The following CCSER1 variants were observed in gnomAD, a reference collection of about 807,000 sequenced individuals.
CCSER1 encodes the protein coiled-coil serine rich protein 1.
CCSER1 carries 41 observed loss-of-function variants against 82.0 expected under a neutral mutation model. The observed-to-expected ratio is 0.50, with a 90% CI of 0.39 to 0.65. The LOEUF is 0.65. Among genes scored for constraint, CCSER1 ranks in the 30% least tolerant of loss-of-function variants. The pLI, the probability that CCSER1 is intolerant of heterozygous loss-of-function variation, is 0.00. For missense variants in CCSER1, 1,119 were observed against 1,064.2 expected (o/e 1.05, Z -0.72); for synonymous variants, 414 against 383.9 (o/e 1.08, Z -0.92).
chr4:90,246,298 G>A (rs1721383724), intron 1 of CCSER1, among the ~76,000 whole-genome samples: 1 of 152,070 alleles, frequency 6.6e-6, no homozygotes, highest in East Asian at 1.9e-4. Flanking sequence ...TTAAAAAGTG[G>A]CAAAATCAAA....
chr4:90,459,678 C>T (rs938680981), intron 4 of CCSER1, among the ~76,000 whole-genome samples: 4 of 151,968 alleles, frequency 2.6e-5, no homozygotes, highest in South Asian at 2.1e-4. Context: ...GGGCACCAGT[C>T]GTACTGGATT....
intron 6 of CCSER1, among the ~76,000 whole-genome samples, chr4:90,717,044 G>C (rs1188833783): frequency 6.6e-6 from 1 of 152,166 alleles, no homozygotes; most frequent in Admixed American, 6.6e-5. Flanking sequence ...ACAGAAACAC[G>C]TTCTTATGAC....
intron 9 of CCSER1, among the ~76,000 whole-genome samples, chr4:90,927,052 A>G (rs1729156892): frequency 6.6e-6 from 1 of 152,018 alleles, no homozygotes; most frequent in Admixed American, 6.6e-5. Context: ...ATATTTGAGA[A>G]TGCATAATCA....
Position 91,601,411 on chromosome 4 carries a change from A to G in CCSER1, c.*2354A>G, listed in dbSNP as rs997212388. 6.6e-6 allele frequency: 1 copy of G among 152,036 alleles called. No individual in the cohort carries two copies. Among genetic ancestry groups the G allele is most frequent in the African/African-American group, 2.4e-5 (1 of 41,444 alleles). 9.4% of individuals were successfully genotyped at this position (152,036 alleles called of 1,614,324 possible). ...GTATTTTCAACATTGTTATAATATT[A>G]TTTGTAATACTAAGTGTAACTCAGG... On this transcript the variant is annotated 3_prime_UTR_variant, in exon 11 of 11. Coordinates refer to ENST00000509176, the MANE Select transcript of CCSER1 (RefSeq NM_001145065.2).
chr4:90,391,875 T>C (rs1751225602), intron 3 of CCSER1, among the ~76,000 whole-genome samples: 1 of 152,034 alleles, frequency 6.6e-6, no homozygotes, highest in African/African-American at 2.4e-5. Flanking sequence ...TTTTCCCCCT[T>C]ACCATGTTTA....
At chr4:90,872,173 T>C (rs936506074) in intron 8 of CCSER1, among the ~76,000 whole-genome samples, 1 of 151,854 alleles carries the variant, frequency 6.6e-6, no homozygotes, top group African/African-American at 2.4e-5. Context: ...TTCAATGTTA[T>C]TAATAAGTAA....
intron 5 of CCSER1, among the ~76,000 whole-genome samples, chr4:90,543,873 G>A (rs1776414077): frequency 6.6e-6 from 1 of 152,076 alleles, no homozygotes; most frequent in Non-Finnish European, 1.5e-5. Flanking sequence ...GTTAGGATTA[G>A]TATTAAACCC....
At chr4:90,181,740 GA>G (rs1306103510) in intron 1 of CCSER1, among the ~76,000 whole-genome samples, 1 of 152,186 alleles carries the variant, frequency 6.6e-6, no homozygotes, top group Non-Finnish European at 1.5e-5. Flanking sequence ...TGAATTGGCA[GA>G]CCCAGTGGTA....
intron 1 of CCSER1, among the ~76,000 whole-genome samples, chr4:90,225,004 C>T (rs1170617594): frequency 6.6e-6 from 1 of 151,966 alleles, no homozygotes; most frequent in Non-Finnish European, 1.5e-5. Context: ...TAAGATCCTG[C>T]AAAATTTGGT....
intron 10 of CCSER1, among the ~76,000 whole-genome samples, chr4:91,471,582 G>T (rs546756820): frequency 3.3e-5 from 5 of 152,148 alleles, no homozygotes; most frequent in Non-Finnish European, 7.4e-5. Flanking sequence ...GTAGTAAACA[G>T]CTCTCTCACT....
intron 5 of CCSER1, among the ~76,000 whole-genome samples, chr4:90,577,260 C>T (rs2132836): frequency 0.41 from 62,434 of 151,660 alleles, 14,704 homozygotes; most frequent in African/African-American, 0.65. Context: ...AAGTAGGAGG[C>T]GATTTTTTTC....
rs927535348 is a variant in CCSER1, at chr4:91,176,954, G to A, written c.2217+90960G>A. Among the ~76,000 whole-genome samples, 8 of 152,210 alleles carry A rather than the reference G, an allele frequency of 5.3e-5. No homozygotes were observed. In the South Asian group the frequency reaches 1.7e-3, roughly 32 times the overall value. On this transcript the variant is annotated intron_variant, in intron 10 of 10. Coordinates refer to ENST00000509176, the MANE Select transcript of CCSER1 (RefSeq NM_001145065.2). The stretch of plus-strand genomic sequence containing the variant: ...CTATTTAGTATGATATTGGCTGTGG[G>A]TTTGTCATAAATAGCTCTTATTATT...
At chr4:91,473,085 T>C (rs1263956252) in intron 10 of CCSER1, among the ~76,000 whole-genome samples, 1 of 152,186 alleles carries the variant, frequency 6.6e-6, no homozygotes, top group Non-Finnish European at 1.5e-5. Flanking sequence ...ATGCCCAGTA[T>C]TACATGGTAT....
intron 5 of CCSER1, among the ~76,000 whole-genome samples, chr4:90,598,637 T>C (rs1311805758): frequency 6.6e-6 from 1 of 152,196 alleles, no homozygotes; most frequent in African/African-American, 2.4e-5. Flanking sequence ...TCAGGTCCTT[T>C]GTCCATTTTT....
chr4:90,360,579 C>CAAAAAAA (rs61140876), intron 3 of CCSER1, among the ~76,000 whole-genome samples: 1 of 75,946 alleles, frequency 1.3e-5, no homozygotes, highest in Admixed American at 1.6e-4. Flanking sequence ...GACTCCGTCT[C>CAAAAAAA]AAAAAAAAAA....
At chr4:90,454,852 C>T (rs1761973210) in intron 4 of CCSER1, among the ~76,000 whole-genome samples, 1 of 152,164 alleles carries the variant, frequency 6.6e-6, no homozygotes, top group Non-Finnish European at 1.5e-5. Context: ...CTCTCTTAAT[C>T]TGCCTTAAGT....
At chr4:90,781,134 C>A in intron 7 of CCSER1, 1 of 282,356 alleles carries the variant, frequency 3.5e-6, no homozygotes, top group Non-Finnish European at 5.3e-6. Context: ...GAGGGATCCA[C>A]CCTCATGATT....
chr4:90,832,205 T>G (rs892528411), intron 8 of CCSER1, among the ~76,000 whole-genome samples: 1 of 152,032 alleles, frequency 6.6e-6, no homozygotes, highest in African/African-American at 2.4e-5. Context: ...AAATAAAAAT[T>G]TAATAGATTT....
intron 10 of CCSER1, among the ~76,000 whole-genome samples, chr4:91,300,043 T>A (rs1395524158): frequency 2.0e-5 from 3 of 151,964 alleles, no homozygotes; most frequent in Non-Finnish European, 4.4e-5. Flanking sequence ...TTTGAAGTAA[T>A]GGGCCATTTT....
Sources: gnomAD v4.1 joint callset for allele counts (sites outside exome capture counted in the v4.1 genomes callset) on GRCh38, gnomAD v4.1.1 for gene constraint, MANE v1.5 for transcripts, NCBI Gene and HGNC (gene_info 2026-07-23, HGNC 2026-07-21) for gene names.